Variants in CELF2 observed in about 807,000 individuals in gnomAD.
The protein encoded by CELF2 is CUGBP Elav-like family member 2.
Under a neutral mutation model 62.6 loss-of-function variants are expected in CELF2, and 8 were observed. The observed-to-expected ratio is 0.13, with a 90% CI of 0.07 to 0.23. The LOEUF (loss-of-function observed/expected upper bound fraction) is 0.23, where lower values mean the gene tolerates loss of function less well. Ranked by LOEUF, CELF2 falls within the 10% of genes least tolerant of loss-of-function variation. CELF2 has a pLI of 1.00. For synonymous variants in CELF2, 258 were observed against 250.0 expected, an observed-to-expected ratio of 1.03 and a Z score of -0.30; for missense variants, 333 against 671.0, an observed-to-expected ratio of 0.50 and a Z score of 5.56.
intron 7 of CELF2, among the ~76,000 whole-genome samples, chr10:11,271,277 C>T (rs2083682495): frequency 6.6e-6 from 1 of 152,228 alleles, no homozygotes; most frequent in African/African-American, 2.4e-5. Context: ...CTATTTGAAA[C>T]CAACAAAATT....
intron 2 of CELF2, among the ~76,000 whole-genome samples, chr10:11,193,649 C>T (rs550053755): frequency 5.3e-5 from 8 of 152,076 alleles, no homozygotes; most frequent in Admixed American, 1.3e-4. Flanking sequence ...ACCTAGGGGC[C>T]GGGTGTACAG....
intron 1 of CELF2, among the ~76,000 whole-genome samples, chr10:11,109,639 T>C (rs556438099): frequency 6.6e-6 from 1 of 152,334 alleles, no homozygotes; most frequent in African/African-American, 2.4e-5. Flanking sequence ...CCTGGGCTGC[T>C]TCTTTCCTTT....
the CELF2 span, among the ~76,000 whole-genome samples, chr10:10,655,457 C>T: frequency 1.6e-5 from 2 of 127,926 alleles, 1 homozygote; most frequent in Non-Finnish European, 3.5e-5. Context: ...CATCACACTA[C>T]CTGACTTCAA....
At chr10:10,644,669 T>A in the CELF2 span, among the ~76,000 whole-genome samples, 1 of 152,088 alleles carries the variant, frequency 6.6e-6, no homozygotes, top group Admixed American at 6.6e-5. Flanking sequence ...GCAAGGGATG[T>A]CCATGGATCT....
At chr10:11,171,691 A>G (rs1263102703) in intron 2 of CELF2, among the ~76,000 whole-genome samples, 1 of 152,206 alleles carries the variant, frequency 6.6e-6, no homozygotes, top group Non-Finnish European at 1.5e-5. Context: ...TATCATGACC[A>G]GCTCATGCAG....
intron 2 of CELF2, among the ~76,000 whole-genome samples, chr10:11,176,898 G>C (rs1024402430): frequency 6.6e-6 from 1 of 152,190 alleles, no homozygotes; most frequent in Non-Finnish European, 1.5e-5. Context: ...GTTAGCGTTA[G>C]AGTGGTGTTC....
rs757685808 is a variant in CELF2, at chr10:11,117,465, G to T, written c.75-48021G>T. On this transcript the variant is annotated intron_variant, in intron 1 of 12. Transcript: ENST00000633077. This position sits in a 1 kb window ranked among gnomAD's most constrained non-coding sequence, Gnocchi z 4.1. The stretch of plus-strand genomic sequence containing the variant: ...CTCAAGGAGGCCTTGCTGTCTACCT[G>T]TGCTACCAGCTTTCCTGTGCTCTGC... 6.6e-6 allele frequency among the ~76,000 whole-genome samples: 1 copy of T among 152,212 alleles called. No homozygotes were observed.
chr10:10,559,614 A>C, the CELF2 span, among the ~76,000 whole-genome samples: 1 of 152,256 alleles, frequency 6.6e-6, no homozygotes, highest in Admixed American at 6.5e-5. Context: ...GAAATAATAC[A>C]CTGAAACAGA....
chr10:10,784,699 G>C, the CELF2 span: 1 of 152,298 alleles, frequency 6.6e-6, no homozygotes, highest in African/African-American at 2.4e-5. Context: ...GGGTTTATGT[G>C]GGTACAGGAT....
chr10:10,799,501 A>C (rs2054430569), intron 1 of CELF2, among the ~76,000 whole-genome samples: 1 of 152,024 alleles, frequency 6.6e-6, no homozygotes, highest in South Asian at 2.1e-4. Flanking sequence ...TTAAAAAAAG[A>C]GTAAAGAAAG....
At chr10:10,925,857 C>T (rs1210942485) in intron 2 of CELF2, among the ~76,000 whole-genome samples, 1 of 152,070 alleles carries the variant, frequency 6.6e-6, no homozygotes. Flanking sequence ...TTTCTACTCC[C>T]AGCGCCCAAC....
chr10:11,233,327 G>A (rs974290882), intron 3 of CELF2, among the ~76,000 whole-genome samples: 3 of 152,178 alleles, frequency 2.0e-5, no homozygotes, highest in Non-Finnish European at 2.9e-5. Flanking sequence ...TACTTTTTCA[G>A]AGACTGCAAG....
chr10:11,173,706 T>C lies in CELF2; in HGVS notation c.271+8024T>C, dbSNP rs2069835812. Among the ~76,000 whole-genome samples, 3 of 152,202 alleles carry C rather than the reference T, an allele frequency of 2.0e-5. No homozygotes were observed. In the South Asian group the frequency reaches 6.2e-4, roughly 31 times the overall value. On this transcript the variant is annotated intron_variant, in intron 2 of 12. Transcript: ENST00000633077. ...ATTCTGAGGCCATCCATTCTCCTGC[T>C]TCATTATCTAATATTGGGTGGGCCA...
Position 11,334,562 on chromosome 10 carries a change from A to G in CELF2, c.*5509A>G, listed in dbSNP as rs570617973. 6.6e-6 allele frequency: 1 copy of G among 152,280 alleles called. No individual in the cohort carries two copies. The highest frequency in any genetic ancestry group is 1.9e-4 in the East Asian group (1 of 5,168). The allele number at this position is 152,280 out of a possible 1,614,324, so 9.4% of individuals were successfully genotyped here. ...GATTTATGTACAACCGCCCACTTGA[A>G]CTCCTGCTTCCAAGATTTATACACT... is the stretch of plus-strand genomic sequence containing the variant. On this transcript the variant is annotated 3_prime_UTR_variant, in exon 13 of 13. Coordinates refer to ENST00000633077, the MANE Select transcript of CELF2 (RefSeq NM_001326342.2).
At chr10:10,949,792 CTG>C (rs940181436) in intron 2 of CELF2, among the ~76,000 whole-genome samples, 29 of 136,382 alleles carry the variant, frequency 2.1e-4, no homozygotes, top group South Asian at 1.2e-3. Context: ...CAGAGTGAGA[CTG>C]TGTCGCAAAA....
At chr10:10,677,542 C>T in the CELF2 span, among the ~76,000 whole-genome samples, 1 of 152,218 alleles carries the variant, frequency 6.6e-6, no homozygotes, top group Non-Finnish European at 1.5e-5. Context: ...GAATCAGTGT[C>T]TCTAGAGTGG....
intron 1 of CELF2, among the ~76,000 whole-genome samples, chr10:11,147,387 T>G (rs1375321591): frequency 6.6e-6 from 1 of 152,206 alleles, no homozygotes; most frequent in Non-Finnish European, 1.5e-5. Context: ...TTAGTTTGTT[T>G]CTAAATATTT....
chr10:10,797,759 G>A (rs897935843), upstream of CELF2, among the ~76,000 whole-genome samples: 1 of 152,080 alleles, frequency 6.6e-6, no homozygotes, highest in Non-Finnish European at 1.5e-5. Flanking sequence ...TTCAAACCAG[G>A]ACCCTCCAAG....
rs1226173522 is a variant in CELF2 at position 11,082,818 on chromosome 10, A to G, written c.74+64655A>G. ...TAGGAAACAATCTATTGACTTCAAG[A>G]TACCTCTTGTAGATGGAGAAAGAAG... On this transcript the variant is annotated intron_variant, in intron 1 of 12. Coordinates refer to ENST00000633077, the MANE Select transcript of CELF2 (RefSeq NM_001326342.2). 4.6e-5 allele frequency among the ~76,000 whole-genome samples: 7 copies of G among 152,338 alleles called. No homozygotes were observed. In the South Asian group the frequency reaches 1.4e-3, roughly 32 times the overall value.
Sources: allele counts gnomAD v4.1 joint callset (sites outside exome capture counted in the v4.1 genomes callset), GRCh38; gene constraint gnomAD v4.1.1; non-coding constraint Gnocchi (gnomAD v3.1); transcripts MANE v1.5; gene names NCBI Gene and HGNC (gene_info 2026-07-23, HGNC 2026-07-21).